The following NIPBL variants were observed in gnomAD, a reference collection of about 807,000 sequenced individuals.
NIPBL encodes NIPBL cohesin loading factor, also known as nipped-B-like protein.
NIPBL carries 19 observed loss-of-function variants against 321.8 expected under a neutral mutation model. That is an observed-to-expected ratio of 0.06 (90% CI 0.04 to 0.09). The LOEUF (loss-of-function observed/expected upper bound fraction) is 0.09. NIPBL is among the 10% of genes least tolerant of loss of function. NIPBL has a pLI of 1.00. For synonymous variants in NIPBL, 1,106 were observed against 1,114.1 expected (o/e 0.99, Z 0.14); for missense variants, 2,210 against 3,327.0 (o/e 0.66, Z 8.26).
intron 32 of NIPBL, among the ~76,000 whole-genome samples, chr5:37,031,236 T>A (rs1426684651): frequency 6.6e-6 from 1 of 152,164 alleles, no homozygotes; most frequent in Non-Finnish European, 1.5e-5. Flanking sequence ...TCTGCCCACC[T>A]TGGCCTCCCA....
chr5:37,044,618 A>G lies in NIPBL; in HGVS notation c.6250-18A>G, dbSNP rs1341611789. On this transcript the variant is annotated intron_variant, in intron 35 of 46. Coordinates refer to ENST00000282516, the MANE Select transcript of NIPBL (RefSeq NM_133433.4). ...GTATATTTTTAACTTTTATCTAAAC[A>G]TTTTCTATATCTTTTAGGTAGTGCA... 2 of 1,606,062 alleles carry G rather than the reference A, an allele frequency of 1.2e-6. No individual in the cohort carries two copies. Among genetic ancestry groups the G allele is most frequent in the Non-Finnish European group, 8.5e-7 (1 of 1,174,222 alleles).
chr5:36,957,666 C>G (rs897462785), intron 3 of NIPBL, among the ~76,000 whole-genome samples: 1 of 151,884 alleles, frequency 6.6e-6, no homozygotes, highest in African/African-American at 2.4e-5. Context: ...TATATTTCTC[C>G]CAGGGATAGC....
At chr5:36,884,107 C>T (rs914807032) in intron 1 of NIPBL, among the ~76,000 whole-genome samples, 12 of 152,040 alleles carry the variant, frequency 7.9e-5, no homozygotes, top group Non-Finnish European at 8.8e-5. Flanking sequence ...ACATGACATA[C>T]GCTTTTATTT....
At chr5:37,061,562 C>G (rs954778562) in intron 45 of NIPBL, among the ~76,000 whole-genome samples, 1 of 152,120 alleles carries the variant, frequency 6.6e-6, no homozygotes, top group Non-Finnish European at 1.5e-5. Flanking sequence ...ACCTGTAGTC[C>G]CAGCTACTCA....
chr5:36,964,511 T>C (rs2149610733), intron 6 of NIPBL, among the ~76,000 whole-genome samples: 1 of 152,156 alleles, frequency 6.6e-6, no homozygotes, highest in South Asian at 2.1e-4. Context: ...GTCTCTTCAA[T>C]AAATAATGCT....
Position 36,876,827 on chromosome 5 carries a change from C to CGGGGGGG in NIPBL, c.-431_-430insGGGGGGG. 1 of 167,524 alleles carries CGGGGGGG rather than the reference C, an allele frequency of 6.0e-6. No individual in the cohort carries two copies. The highest frequency in any genetic ancestry group is 1.4e-4 in the East Asian group (1 of 7,080). The allele number at this position is 167,524 out of a possible 1,614,324, so 10.4% of individuals were successfully genotyped here. A position where few individuals can be genotyped will look rare whatever the true frequency, so the allele number is the denominator to read the frequency against. On this transcript the variant is annotated 5_prime_UTR_variant, in exon 1 of 47. Transcript: ENST00000282516. The stretch of plus-strand genomic sequence containing the variant: ...AGAGACACACACAGGGCTCCTTCCC[C>CGGGGGGG]CCGCCCTCCCCCCCCTCCCTCCGTC...
At chr5:37,043,255 C>T (rs192225365) in intron 34 of NIPBL, among the ~76,000 whole-genome samples, 20 of 152,128 alleles carry the variant, frequency 1.3e-4, no homozygotes, top group Admixed American at 1.2e-3. Context: ...TAAGGCCGGA[C>T]GCAGTTTCTC....
chr5:36,888,104 T>TA (rs1746053637), intron 1 of NIPBL, among the ~76,000 whole-genome samples: 1 of 152,176 alleles, frequency 6.6e-6, no homozygotes, highest in East Asian at 1.9e-4. Flanking sequence ...GTCCTGAACA[T>TA]ACAGTTTTCT....
intron 1 of NIPBL, among the ~76,000 whole-genome samples, chr5:36,952,952 T>A (rs1304327382): frequency 6.6e-6 from 1 of 152,212 alleles, no homozygotes; most frequent in Non-Finnish European, 1.5e-5. Context: ...GATACTCATT[T>A]GGATGAATTT....
chr5:36,885,000 T>G (rs975603908), intron 1 of NIPBL, among the ~76,000 whole-genome samples: 2 of 152,230 alleles, frequency 1.3e-5, no homozygotes, highest in Non-Finnish European at 2.9e-5. Flanking sequence ...AGTAAGATAC[T>G]GGAGTATTGC....
At chr5:37,029,700 T>G (rs1750731626) in intron 32 of NIPBL, among the ~76,000 whole-genome samples, 1 of 152,224 alleles carries the variant, frequency 6.6e-6, no homozygotes, top group South Asian at 2.1e-4. Context: ...TTGCTCCACA[T>G]CCTCACCAGT....
chr5:36,923,211 C>A (rs956277450), intron 1 of NIPBL, among the ~76,000 whole-genome samples: 2 of 152,004 alleles, frequency 1.3e-5, no homozygotes, highest in Non-Finnish European at 2.9e-5. Context: ...GAGGCTGAGG[C>A]AGGAGAATCG....
At chr5:37,009,857 A>T (rs898533666) in intron 20 of NIPBL, among the ~76,000 whole-genome samples, 13 of 152,342 alleles carry the variant, frequency 8.5e-5, no homozygotes, top group Admixed American at 7.8e-4. Flanking sequence ...ACAAATTTGT[A>T]TTAAATACTG....
chr5:37,029,322 A>T (rs1020740406), intron 32 of NIPBL, among the ~76,000 whole-genome samples: 1 of 152,200 alleles, frequency 6.6e-6, no homozygotes, highest in Non-Finnish European at 1.5e-5. Context: ...GTTCCTATCA[A>T]TGGAGTCATA....
At chr5:36,916,666 A>T (rs1224819687) in intron 1 of NIPBL, among the ~76,000 whole-genome samples, 1 of 151,596 alleles carries the variant, frequency 6.6e-6, no homozygotes, top group Admixed American at 6.6e-5. Context: ...CCACCCCACA[A>T]CAGGCCCCAG....
At chr5:37,027,988 A>G (rs1750503724) in intron 32 of NIPBL, among the ~76,000 whole-genome samples, 2 of 152,090 alleles carry the variant, frequency 1.3e-5, no homozygotes, top group Non-Finnish European at 2.9e-5. Context: ...TTCTTTCCAG[A>G]TAATTTTTTT....
Position 36,962,099 on chromosome 5 carries a change from T to A in NIPBL, c.459-24T>A, listed in dbSNP as rs774880166. On this transcript the variant is annotated intron_variant, in intron 5 of 46. Transcript: ENST00000282516. The stretch of plus-strand genomic sequence containing the variant: ...GTGTTTATTTTATTTCCTTATATTT[T>A]TTTATTTGGGTTTTGGGTTTTAGCC... 3.1e-6 allele frequency: 5 copies of A among 1,613,882 alleles called. No individual in the cohort carries two copies. The South Asian group carries it at 4.4e-5, about 14-fold the overall frequency.
At chr5:36,980,186 G>A (rs1743973926) in intron 9 of NIPBL, among the ~76,000 whole-genome samples, 1 of 151,652 alleles carries the variant, frequency 6.6e-6, no homozygotes, top group South Asian at 2.1e-4. Context: ...ACAACATACT[G>A]TTCTTGTAGA....
rs1744785222 is a variant in NIPBL at position 36,986,240 on chromosome 5, A to G, written c.3060A>G (p.Arg1020=). 1.3e-6 allele frequency: 2 copies of G among 1,570,616 alleles called. No homozygotes were observed. The highest frequency in any genetic ancestry group is 1.7e-6 in the Non-Finnish European group (2 of 1,164,660). ...LDDVQKLIKD[R]EDKSRSSLKP... ...ATGTTCAGAAACTTATTAAAGATAG[A>G]GAGGACAAATCAAGAAGTTCCCTTA... is the stretch of plus-strand genomic sequence containing the variant. The change falls in exon 10 of 47, where the codon AGA becomes AGG. Residue 1020 remains arginine (R), a synonymous_variant. Transcript: ENST00000282516.
Sources: allele counts gnomAD v4.1 joint callset (sites outside exome capture counted in the v4.1 genomes callset), GRCh38; gene constraint gnomAD v4.1.1; transcripts MANE v1.5; gene names NCBI Gene and HGNC (gene_info 2026-07-23, HGNC 2026-07-21).